PRH1: variants seen among roughly 807,000 people sequenced by gnomAD.
PRH1 encodes the protein proline rich protein HaeIII subfamily 1.
Under a neutral mutation model 7.9 loss-of-function variants are expected in PRH1, and 7 were observed. The observed-to-expected ratio is 0.89, with a 90% confidence interval of 0.50 to 1.67. The LOEUF (loss-of-function observed/expected upper bound fraction) is 1.67, where lower values mean the gene tolerates loss of function less well. Ranked by LOEUF, PRH1 falls within the 40% of genes most tolerant of loss-of-function variation. The pLI, the probability that PRH1 is intolerant of heterozygous loss-of-function variation, is 0.00. For synonymous variants in PRH1, 45 were observed against 80.8 expected, an observed-to-expected ratio of 0.56 and a Z score of 2.38; for missense variants, 109 against 223.6, an observed-to-expected ratio of 0.49 and a Z score of 3.27.
chr12:10,933,901 A>G (rs560735254), intron 2 of PRH1, among the ~76,000 whole-genome samples: 59 of 152,274 alleles, frequency 3.9e-4, no homozygotes, highest in Non-Finnish European at 7.9e-4. Flanking sequence ...TGGAAGGAGT[A>G]AAATTACCAC....
At chr12:11,020,775 T>C (rs1941582522) in intron 1 of PRH1, among the ~76,000 whole-genome samples, 1 of 152,114 alleles carries the variant, frequency 6.6e-6, no homozygotes, top group Non-Finnish European at 1.5e-5. Context: ...TAGAGAATAT[T>C]TGAGTTTTTT....
chr12:10,885,054 T>C (rs1949469758), upstream of PRH1, among the ~76,000 whole-genome samples: 1 of 152,228 alleles, frequency 6.6e-6, no homozygotes, highest in African/African-American at 2.4e-5. Flanking sequence ...CGATGTCATA[T>C]AGCTAAGACC....
intron 1 of PRH1, among the ~76,000 whole-genome samples, chr12:11,004,024 G>A (rs1286317792): frequency 6.7e-6 from 1 of 150,244 alleles, no homozygotes; most frequent in African/African-American, 2.4e-5. Context: ...ATTCTGATAT[G>A]AGTGCAAATC....
chr12:11,110,812 C>A (rs564621242), intron 1 of PRH1, among the ~76,000 whole-genome samples: 1 of 152,216 alleles, frequency 6.6e-6, no homozygotes, highest in Admixed American at 6.5e-5. Flanking sequence ...CAATATTAAC[C>A]TTAAATGTAA....
intron 2 of PRH1, among the ~76,000 whole-genome samples, chr12:10,924,895 CTTCT>C (rs1258641105): frequency 2.0e-5 from 3 of 151,868 alleles, no homozygotes; most frequent in African/African-American, 7.3e-5. Flanking sequence ...TCTCTCTTTT[CTTCT>C]TTATTAGTCT....
chr12:10,986,733 G>C (rs111901545), intron 1 of PRH1: 14 of 1,612,940 alleles, frequency 8.7e-6, no homozygotes, highest in African/African-American at 2.7e-5. Context: ...TTGGTCAGCT[G>C]AGGAGATCTT....
At chr12:10,950,076 CAT>C (rs1375401218) in intron 2 of PRH1, among the ~76,000 whole-genome samples, 3 of 152,044 alleles carry the variant, frequency 2.0e-5, no homozygotes, top group African/African-American at 7.3e-5. Flanking sequence ...TCTTTGTAAA[CAT>C]GTCACTCTGG....
chr12:11,097,093 T>C (rs181171906), intron 1 of PRH1: 4,846 of 143,602 alleles, frequency 0.034, 1,101 homozygotes, highest in South Asian at 0.11. Context: ...CCACCGCGCC[T>C]GCCCTATGCT....
At chr12:11,054,841 C>T (rs1366528445) in intron 1 of PRH1, among the ~76,000 whole-genome samples, 19 of 109,858 alleles carry the variant, frequency 1.7e-4, no homozygotes, top group Middle Eastern at 6.0e-3. Flanking sequence ...CTTGCTCTGT[C>T]ACCCAGGCTG....
intron 1 of PRH1, among the ~76,000 whole-genome samples, chr12:11,003,811 T>A (rs1940703397): frequency 6.6e-6 from 1 of 152,114 alleles, no homozygotes; most frequent in Admixed American, 6.6e-5. Context: ...TATATTACTA[T>A]GCTATCCATG....
chr12:11,153,326 G>T (rs1349648342), intron 1 of PRH1, among the ~76,000 whole-genome samples: 1 of 152,152 alleles, frequency 6.6e-6, no homozygotes, highest in African/African-American at 2.4e-5. Context: ...TCCTATAGCA[G>T]AAGTACTAAA....
Position 10,959,817 on chromosome 12 carries a change from T to A in PRH1, c.-59+13838A>T, listed in dbSNP as rs1375364870. Among the ~76,000 whole-genome samples the A allele has an allele frequency of 3.9e-5, 6 of 152,258 alleles. No homozygotes were observed. In the South Asian group the frequency reaches 1.2e-3, roughly 32 times the overall value. On this transcript the variant is annotated intron_variant, in intron 2 of 3. Coordinates refer to the PRH1 transcript ENST00000539853. ...CTACATTATCAGTAAGGAGACTGCA[T>A]GAGATCACCAACAAAACAAGTCTGA... is the stretch of plus-strand genomic sequence containing the variant.
intron 2 of PRH1, among the ~76,000 whole-genome samples, chr12:10,914,132 A>T (rs371984419): frequency 7.9e-5 from 12 of 152,334 alleles, no homozygotes; most frequent in Middle Eastern, 3.4e-3. Flanking sequence ...GTGGCAAAAC[A>T]TTCGATAGCA....
chr12:11,067,366 T>C (rs1434605065), intron 1 of PRH1, among the ~76,000 whole-genome samples: 1 of 152,306 alleles, frequency 6.6e-6, no homozygotes, highest in South Asian at 2.1e-4. Context: ...ATATTTAACC[T>C]CCATCATACT....
intron 2 of PRH1, among the ~76,000 whole-genome samples, chr12:10,907,599 T>A (rs1949824091): frequency 6.6e-6 from 1 of 151,826 alleles, no homozygotes. Context: ...AATCAAAAAC[T>A]CTCTTATTGT....
At chr12:11,127,439 C>T (rs1009360377) in intron 1 of PRH1, among the ~76,000 whole-genome samples, 6 of 152,294 alleles carry the variant, frequency 3.9e-5, no homozygotes, top group Admixed American at 2.0e-4. Context: ...GAATCATGAC[C>T]ACTGTTGAAT....
chr12:11,118,817 AC>A (rs1206439773), downstream of PRH1, among the ~76,000 whole-genome samples: 1 of 152,054 alleles, frequency 6.6e-6, no homozygotes, highest in Admixed American at 6.6e-5. Flanking sequence ...ACATGGTGAA[AC>A]CCCATCGCTA....
At chr12:11,117,602 G>T (rs1945768286), downstream of PRH1, among the ~76,000 whole-genome samples, 1 of 151,996 alleles carries the variant, frequency 6.6e-6, no homozygotes, top group African/African-American at 2.4e-5. Context: ...ACCCAGAATA[G>T]CCAAAACTAT....
chr12:11,137,182 C>T (rs1289330227), intron 1 of PRH1, among the ~76,000 whole-genome samples: 3 of 151,706 alleles, frequency 2.0e-5, no homozygotes, highest in Middle Eastern at 3.4e-3. Flanking sequence ...TATAGTATCT[C>T]AACCACAGCT....
Sources: allele counts gnomAD v4.1 joint callset (sites outside exome capture counted in the v4.1 genomes callset), GRCh38; gene constraint gnomAD v4.1.1; transcripts MANE v1.5; gene names NCBI Gene and HGNC (gene_info 2026-07-23, HGNC 2026-07-21).